The following ZNF18 variants were observed in gnomAD, a reference collection of about 807,000 sequenced individuals.
ZNF18 encodes the protein heart development-specific gene 1 protein.
ZNF18 carries 42 observed loss-of-function variants against 58.1 expected under a neutral mutation model. That is an observed-to-expected ratio of 0.72 (90% confidence interval 0.56 to 0.93). The LOEUF (loss-of-function observed/expected upper bound fraction) is 0.93, where lower values mean the gene tolerates loss of function less well. Among genes scored for constraint, ZNF18 ranks in the 40% least tolerant of loss-of-function variants. The pLI, the probability that ZNF18 is intolerant of heterozygous loss-of-function variation, is 0.00. For missense variants in ZNF18, 540 were observed against 644.2 expected, an observed-to-expected ratio of 0.84 and a Z score of 1.75; for synonymous variants, 231 against 239.8, an observed-to-expected ratio of 0.96 and a Z score of 0.34.
At chr17:12,017,238 T>A in the ZNF18 span, among the ~76,000 whole-genome samples, 1 of 152,162 alleles carries the variant, frequency 6.6e-6, no homozygotes, top group East Asian at 1.9e-4. Context: ...CTGAACCAGA[T>A]GAAACTTTGG....
In ZNF18 at chr17:11,992,599, T is replaced by A. The variant is rs1186712196; in HGVS notation, c.231A>T (p.Lys77Asn). The A allele has an allele frequency of 6.2e-7, 1 of 1,614,226 alleles. No homozygotes were observed. The highest frequency in any genetic ancestry group is 1.7e-5 in the Admixed American group (1 of 60,024). The change falls in exon 2 of 7, where the codon AAA becomes AAT. Residue 77 changes from lysine (K) to asparagine (N), a missense_variant. Transcript: ENST00000580306. ...ACATGAGGATCTCTAGGATCTGCTC[T>A]TTGGTGTGAACCTCTGGCTGTAGCC... is the stretch of plus-strand genomic sequence containing the variant. The part of the protein sequence containing the change: ...FQWLQPEVHT[K>N]EQILEILMLE...
At position 11,978,582 on chromosome 17, in the gene ZNF18, T is replaced by G. The variant is rs1967137878; in HGVS notation, c.1025A>C (p.Asn342Thr). 1.9e-6 allele frequency: 3 copies of G among 1,613,968 alleles called. No individual in the cohort carries two copies. The highest frequency in any genetic ancestry group is 3.3e-5 in the Admixed American group (2 of 60,000). The change falls in exon 7 of 7, where the codon AAT becomes ACT. Residue 342 changes from asparagine to threonine, a missense_variant. Asn to Thr is a moderately conservative substitution (Grantham distance 65). Coordinates refer to ENST00000580306, the MANE Select transcript of ZNF18 (RefSeq NM_001303281.2). ...DEPGCFGEGE[N>T]LPEALQNIQD... ...AATGTTTTGCAGAGCCTCAGGGAGA[T>G]TCTCTCCTTCTCCAAAGCATCCTGG... is the stretch of plus-strand genomic sequence containing the variant.
intron 2 of ZNF18, 44 bp downstream of exon 2, chr17:11,992,399 G>A (rs760360710): frequency 1.9e-6 from 3 of 1,582,096 alleles, no homozygotes; most frequent in African/African-American, 2.7e-5. Context: ...GGACCAGAGA[G>A]GAGCCCTGTG....
At chr17:12,021,068 C>T in the ZNF18 span, 18 of 971,838 alleles carry the variant, frequency 1.9e-5, no homozygotes, top group Non-Finnish European at 2.2e-5. Flanking sequence ...CGCGGCCTGC[C>T]CCAGCGGACG....
At chr17:11,999,106 C>A (rs1968614197), upstream of ZNF18, among the ~76,000 whole-genome samples, 1 of 152,176 alleles carries the variant, frequency 6.6e-6, no homozygotes, top group Admixed American at 6.5e-5. Context: ...ATGTGCTCTG[C>A]TTCTAAGAAA....
upstream of ZNF18, among the ~76,000 whole-genome samples, chr17:12,001,506 G>A (rs1234622797): frequency 6.6e-6 from 1 of 152,114 alleles, no homozygotes; most frequent in Non-Finnish European, 1.5e-5. Context: ...GCAGGTGCCT[G>A]TAGTCCCAGC....
the ZNF18 span, chr17:12,020,929 G>T: frequency 8.2e-7 from 1 of 1,217,478 alleles, no homozygotes; most frequent in South Asian, 4.1e-5. Flanking sequence ...CTCCGGGGGC[G>T]GCAGCGGCAG....
At chr17:11,994,948 G>A (rs1054382488) in intron 1 of ZNF18, among the ~76,000 whole-genome samples, 2 of 152,248 alleles carry the variant, frequency 1.3e-5, no homozygotes, top group African/African-American at 4.8e-5. Flanking sequence ...TTCACACTGA[G>A]TAGCCTGAAG....
At chr17:12,011,990 C>T in the ZNF18 span, among the ~76,000 whole-genome samples, 2 of 152,054 alleles carry the variant, frequency 1.3e-5, no homozygotes, top group African/African-American at 2.4e-5. Flanking sequence ...TGAGCCACTG[C>T]GCCCAGCAGT....
At chr17:12,014,254 T>C in the ZNF18 span, among the ~76,000 whole-genome samples, 1 of 152,226 alleles carries the variant, frequency 6.6e-6, no homozygotes, top group Non-Finnish European at 1.5e-5. Flanking sequence ...AACATAGAGC[T>C]ACCATAAGAT....
At chr17:11,995,889 A>C (rs1161598277) in intron 1 of ZNF18, among the ~76,000 whole-genome samples, 1 of 152,182 alleles carries the variant, frequency 6.6e-6, no homozygotes, top group Non-Finnish European at 1.5e-5. Flanking sequence ...TATTACGCAA[A>C]GTGGTATTGC....
At chr17:12,012,880 C>T in the ZNF18 span, among the ~76,000 whole-genome samples, 1 of 151,926 alleles carries the variant, frequency 6.6e-6, no homozygotes, top group Non-Finnish European at 1.5e-5. Flanking sequence ...TATTCCTTTT[C>T]TGTGATCCAC....
At chr17:12,011,534 C>T in the ZNF18 span, among the ~76,000 whole-genome samples, 16 of 151,596 alleles carry the variant, frequency 1.1e-4, no homozygotes, top group Non-Finnish European at 1.9e-4. Context: ...TACAGGCACC[C>T]GCCACCACAC....
At chr17:11,983,241 T>A in intron 6 of ZNF18, 56 bp downstream of exon 6, 5 of 1,377,756 alleles carry the variant, frequency 3.6e-6, no homozygotes, top group Admixed American at 1.7e-5. Context: ...CCCAATCACC[T>A]CCAATTTAAT....
the ZNF18 span, among the ~76,000 whole-genome samples, chr17:12,016,897 A>G: frequency 6.6e-6 from 1 of 152,150 alleles, no homozygotes; most frequent in Non-Finnish European, 1.5e-5. Flanking sequence ...GATTATTAAT[A>G]GTCAAAATAG....
chr17:11,996,796 A>G (rs760185723), intron 1 of ZNF18: 1 of 152,174 alleles, frequency 6.6e-6, no homozygotes, highest in Non-Finnish European at 1.5e-5. Flanking sequence ...TGTATTTCCA[A>G]TTCCCACAAT....
chr17:11,982,657 AGTGTGTGT>A (rs143602913), intron 6 of ZNF18, among the ~76,000 whole-genome samples: 1,861 of 136,794 alleles, frequency 0.014, 29 homozygotes, highest in African/African-American at 0.043. Context: ...TATATATAAA[AGTGTGTGT>A]GTGTGTGTGT....
the ZNF18 span, among the ~76,000 whole-genome samples, chr17:12,016,585 C>A: frequency 6.6e-6 from 1 of 152,012 alleles, no homozygotes; most frequent in Non-Finnish European, 1.5e-5. Flanking sequence ...CCACCTTGGC[C>A]TCCCAAAGTG....
chr17:11,985,668 T>TCC (rs1967691109), intron 4 of ZNF18, among the ~76,000 whole-genome samples: 1 of 152,204 alleles, frequency 6.6e-6, no homozygotes, highest in Non-Finnish European at 1.5e-5. Flanking sequence ...CTCCATTGTA[T>TCC]AATACCTTCC....
Sources: gnomAD v4.1 joint callset for allele counts (sites outside exome capture counted in the v4.1 genomes callset) on GRCh38, gnomAD v4.1.1 for gene constraint, MANE v1.5 for transcripts, NCBI Gene and HGNC (gene_info 2026-07-23, HGNC 2026-07-21) for gene names.